The following ERP27 variants were observed in gnomAD, a reference collection of about 807,000 sequenced individuals.
The protein encoded by ERP27 is endoplasmic reticulum resident protein 27.
In ERP27, 23 loss-of-function variants were observed where a neutral mutation model predicts 27.7. That is an observed-to-expected ratio of 0.83 (90% CI 0.60 to 1.18). ERP27 has a LOEUF of 1.18. Among genes scored for constraint, ERP27 ranks in the 50% most tolerant of loss-of-function variants. ERP27 has a pLI of 0.00. For missense variants in ERP27, 363 were observed against 327.9 expected (o/e 1.11, Z -0.83); for synonymous variants, 159 against 118.3 (o/e 1.34, Z -2.23).
intron 6 of ERP27, 31 bp from the exon 7 acceptor site, chr12:14,914,813 T>C: frequency 6.4e-7 from 1 of 1,565,090 alleles, no homozygotes; most frequent in African/African-American, 1.4e-5. Context: ...GATATTTAGA[T>C]TAGTAAACTG....
chr12:14,914,736 C>CAA lies in ERP27; in HGVS notation c.820_821insTT (p.Ter274PhefsTer18), dbSNP rs541098309. The stretch of plus-strand genomic sequence containing the variant: ...GCCATATGTAGTTCCAAGGAGAAGT[C>CAA]AGAGTTCCACCTTTGGAGTCTTTCC... On this transcript the variant is annotated frameshift_variant and stop_lost, in exon 7 of 7. Transcript: ENST00000266397. LOFTEE classifies it high-confidence loss of function. 27 of 1,613,132 alleles carry CAA rather than the reference C, an allele frequency of 1.7e-5. No individual in the cohort carries two copies. Among genetic ancestry groups the CAA allele is most frequent in the Non-Finnish European group, 2.1e-5 (25 of 1,179,642 alleles).
intron 3 of ERP27, among the ~76,000 whole-genome samples, chr12:14,931,700 G>A (rs1368883211): frequency 6.6e-6 from 1 of 152,126 alleles, no homozygotes; most frequent in East Asian, 1.9e-4. Flanking sequence ...AGCAACGCCA[G>A]TGCTCCTGTT....
intron 3 of ERP27, among the ~76,000 whole-genome samples, chr12:14,921,880 T>G (rs1288216702): frequency 6.6e-6 from 1 of 152,202 alleles, no homozygotes; most frequent in Non-Finnish European, 1.5e-5. Context: ...CTTCTTTTAA[T>G]GCTATAGTTT....
Position 14,915,645 on chromosome 12 carries a change from C to G in ERP27, c.618G>C (p.Gly206=). Residue 206 remains glycine, a synonymous_variant, in exon 6 of 7, where the codon GGG becomes GGC. Transcript: ENST00000266397. The stretch of plus-strand genomic sequence containing the variant: ...TTAGTTTGAAAAATGATATCACCTT[C>G]CCATTTTCTTTCATACCACTGTCCA... ...ILVDSGMKEN[G]KVISFFKLKE... is the part of the protein sequence containing the mutation. 6.2e-7 allele frequency: 1 copy of G among 1,614,176 alleles called. No individual in the cohort carries two copies. The highest frequency in any genetic ancestry group is 8.5e-7 in the Non-Finnish European group (1 of 1,180,020).
intron 3 of ERP27, among the ~76,000 whole-genome samples, chr12:14,928,663 T>TA (rs1361269098): frequency 3.3e-5 from 5 of 152,190 alleles, no homozygotes; most frequent in African/African-American, 1.2e-4. Flanking sequence ...TTTGTATTTC[T>TA]AAAAAAGAAT....
At chr12:14,917,429 G>T (rs966467649) in intron 4 of ERP27, 126 bp from the exon 5 acceptor site, 1 of 1,286,586 alleles carries the variant, frequency 7.8e-7, no homozygotes, top group Non-Finnish European at 1.1e-6. Flanking sequence ...AATGGAACTA[G>T]CTTCCAAGAT....
chr12:14,929,060 G>T (rs1863657064), intron 3 of ERP27: 9 of 1,531,928 alleles, frequency 5.9e-6, no homozygotes, highest in African/African-American at 2.7e-5. Context: ...GTGTCTAAAT[G>T]CTTCCTGACT....
At chr12:14,935,867 C>T (rs944115225) in intron 2 of ERP27, among the ~76,000 whole-genome samples, 1 of 152,168 alleles carries the variant, frequency 6.6e-6, no homozygotes, top group African/African-American at 2.4e-5. Context: ...TACAGGTGTT[C>T]ACCACCATAC....
At chr12:14,938,327 GA>G in intron 1 of ERP27, 87 bp downstream of exon 1, 1 of 1,380,720 alleles carries the variant, frequency 7.2e-7, no homozygotes. Context: ...AGGTGTGGAG[GA>G]AAAGTACCCA....
intron 3 of ERP27, among the ~76,000 whole-genome samples, chr12:14,923,627 C>A (rs1863549695): frequency 6.6e-6 from 1 of 151,758 alleles, no homozygotes; most frequent in Admixed American, 6.6e-5. Context: ...ACTGCCATGC[C>A]ATTAGTTTTA....
At chr12:14,917,427 T>A in intron 4 of ERP27, 124 bp from the exon 5 acceptor site, 2 of 1,313,738 alleles carry the variant, frequency 1.5e-6, no homozygotes, top group Non-Finnish European at 2.1e-6. Context: ...CAAATGGAAC[T>A]AGCTTCCAAG....
At chr12:14,922,711 T>C (rs1484583461) in intron 3 of ERP27, among the ~76,000 whole-genome samples, 1 of 152,214 alleles carries the variant, frequency 6.6e-6, no homozygotes, top group Non-Finnish European at 1.5e-5. Context: ...CTATATTTTC[T>C]CCTAGAAACA....
At chr12:14,925,006 T>G (rs1211988009) in intron 3 of ERP27, among the ~76,000 whole-genome samples, 1 of 152,138 alleles carries the variant, frequency 6.6e-6, no homozygotes, top group African/African-American at 2.4e-5. Context: ...TCTGAAAAGG[T>G]GAGGCATGGA....
At chr12:14,919,921 G>C (rs951489717) in intron 4 of ERP27, among the ~76,000 whole-genome samples, 4 of 152,032 alleles carry the variant, frequency 2.6e-5, no homozygotes, top group Admixed American at 2.0e-4. Flanking sequence ...CTATAAAATG[G>C]ACACAATAAT....
At position 14,915,586 on chromosome 12, in the gene ERP27, T is replaced by C. The variant is rs778611518; in HGVS notation, c.677A>G (p.Gln226Arg). 7 of 1,614,236 alleles carry C rather than the reference T, an allele frequency of 4.3e-6. No homozygotes were observed. The East Asian group carries it at 1.6e-4, about 36-fold the overall frequency. The change falls in exon 6 of 7, where the codon CAG (glutamine) becomes CGG (arginine). Residue 226 changes from glutamine to arginine, a missense_variant. Coordinates refer to ENST00000266397, the MANE Select transcript of ERP27 (RefSeq NM_152321.4). ...ESQLPALAIY[Q>R]TLDDEWDTLP... ...TGTATCCCACTCGTCATCTAGAGTC[T>C]GGTAAATTGCCAAAGCTGGCAGTTG...
chr12:14,938,488 C>T lies in ERP27; in HGVS notation c.21G>A (p.Arg7=), dbSNP rs750724469. ...TGAGGAGAAATAAGAGGAACATGAA[C>T]CTGGACGGGGCAGCTTCCATTGTCC... MEAAPS[R]FMFLLFLLTC... is the part of the protein sequence containing the mutation. Residue 7 remains arginine (R), a synonymous_variant, in exon 1 of 7, where the codon AGG becomes AGA. Coordinates refer to ENST00000266397, the MANE Select transcript of ERP27 (RefSeq NM_152321.4). 1.2e-6 allele frequency: 2 copies of T among 1,613,180 alleles called. No homozygotes were observed. The highest frequency in any genetic ancestry group is 1.1e-5 in the South Asian group (1 of 91,020).
Position 14,914,618 on chromosome 12 carries a change from G to T in ERP27, c.*117C>A. The T allele has an allele frequency of 5.2e-6, 4 of 773,800 alleles. No individual in the cohort carries two copies. The highest frequency in any genetic ancestry group is 8.3e-6 in the Non-Finnish European group (4 of 481,388). 47.9% of individuals were successfully genotyped at this position (773,800 alleles called of 1,614,324 possible). On this transcript the variant is annotated 3_prime_UTR_variant, in exon 7 of 7. Coordinates refer to ENST00000266397, the MANE Select transcript of ERP27 (RefSeq NM_152321.4). Reference sequence around the variant, plus strand: ...CGCGTGCGTGCGTGTGTGCACGTGCGTGTGTGTGTGGTTGGCAGGCCTAGT... The same window carrying T: ...CGCGTGCGTGCGTGTGTGCACGTGCTTGTGTGTGTGGTTGGCAGGCCTAGT...
rs979127255 is a variant in ERP27 at position 14,914,458 on chromosome 12, T to C, written c.*277A>G. The C allele has an allele frequency of 2.2e-6, 1 of 454,204 alleles. No homozygotes were observed. The highest frequency in any genetic ancestry group is 4.0e-5 in the Admixed American group (1 of 25,242). The allele number at this position is 454,204 out of a possible 1,614,324, so 28.1% of individuals were successfully genotyped here. On this transcript the variant is annotated 3_prime_UTR_variant, in exon 7 of 7. Transcript: ENST00000266397. ...GTGTGTTACAGATGGGCTTACAGAG[T>C]ATGAATGCACGATAAGAAGGAAATT... is the stretch of plus-strand genomic sequence containing the variant.
At chr12:14,930,288 T>C (rs931594787) in intron 3 of ERP27, among the ~76,000 whole-genome samples, 3 of 152,226 alleles carry the variant, frequency 2.0e-5, no homozygotes, top group Non-Finnish European at 4.4e-5. Flanking sequence ...TGATTCTCTT[T>C]GTCTGGTGAG....
Sources: allele counts gnomAD v4.1 joint callset (sites outside exome capture counted in the v4.1 genomes callset), GRCh38; gene constraint gnomAD v4.1.1; transcripts MANE v1.5; gene names NCBI Gene and HGNC (gene_info 2026-07-23, HGNC 2026-07-21).